The following IGF1R variants were observed in gnomAD, a reference collection of about 807,000 sequenced individuals.
The protein encoded by IGF1R is insulin like growth factor 1 receptor.
Under a neutral mutation model 144.6 loss-of-function variants are expected in IGF1R, and 44 were observed. That is an observed-to-expected ratio of 0.30 (90% CI 0.24 to 0.39). IGF1R has a LOEUF of 0.39. IGF1R is among the 10% of genes least tolerant of loss of function. The pLI, the probability that IGF1R is intolerant of heterozygous loss-of-function variation, is 1.00. For synonymous variants in IGF1R, 795 were observed against 722.8 expected, an observed-to-expected ratio of 1.10 and a Z score of -1.60; for missense variants, 1,355 against 1,833.7, an observed-to-expected ratio of 0.74 and a Z score of 4.77.
chr15:98,964,245 A>G lies in IGF1R; in HGVS notation c.*6803A>G, dbSNP rs1244006145. The G allele has an allele frequency of 2.1e-5, 5 of 232,728 alleles. No individual in the cohort carries two copies. Among genetic ancestry groups the G allele is most frequent in the East Asian group, 1.8e-4 (3 of 16,322 alleles). The allele number at this position is 232,728 out of a possible 1,614,324, so 14.4% of individuals were successfully genotyped here. A position where few individuals can be genotyped will look rare whatever the true frequency, so the allele number is the denominator to read the frequency against. ...AAGTAAGAAAAAAAAAGGTAATAAC[A>G]TGGCCAATTTGTTACATAAAATGAC... On this transcript the variant is annotated 3_prime_UTR_variant, in exon 21 of 21. Coordinates refer to ENST00000650285, the MANE Select transcript of IGF1R (RefSeq NM_000875.5).
chr15:98,895,343 G>A (rs2014139767), intron 3 of IGF1R, among the ~76,000 whole-genome samples: 1 of 152,086 alleles, frequency 6.6e-6, no homozygotes, highest in Admixed American at 6.5e-5. Context: ...TGAAGGCTAT[G>A]TGGGATCTCT....
chr15:98,871,555 G>T (rs989754586), intron 2 of IGF1R, among the ~76,000 whole-genome samples: 4 of 152,182 alleles, frequency 2.6e-5, no homozygotes, highest in Non-Finnish European at 4.4e-5. Context: ...ACATACTCAA[G>T]ACTGGGCAAT....
At chr15:98,915,054 G>T (rs144245366) in intron 8 of IGF1R, among the ~76,000 whole-genome samples, 1 of 152,280 alleles carries the variant, frequency 6.6e-6, no homozygotes, top group African/African-American at 2.4e-5. Flanking sequence ...TTTAAAAATG[G>T]CTTAGGCAAA....
intron 5 of IGF1R, among the ~76,000 whole-genome samples, chr15:98,904,471 A>G (rs747331120): frequency 5.3e-5 from 8 of 152,238 alleles, no homozygotes; most frequent in Admixed American, 2.0e-4. Context: ...CCACCTAGAT[A>G]GACATATCCA....
At chr15:98,656,018 T>A (rs2052476945) in intron 1 of IGF1R, among the ~76,000 whole-genome samples, 1 of 152,226 alleles carries the variant, frequency 6.6e-6, no homozygotes, top group Non-Finnish European at 1.5e-5. Flanking sequence ...ACTCATAGAT[T>A]GCTCTTCTGT....
chr15:98,754,609 C>A (rs1016118047), intron 2 of IGF1R, among the ~76,000 whole-genome samples: 2 of 152,186 alleles, frequency 1.3e-5, no homozygotes, highest in Non-Finnish European at 1.5e-5. Context: ...GCAGCACAGC[C>A]ATGGTTAGGC....
intron 2 of IGF1R, among the ~76,000 whole-genome samples, chr15:98,788,062 C>G (rs907804): frequency 0.91 from 118,960 of 130,826 alleles, 53,859 homozygotes; most frequent in Middle Eastern, 0.95. Flanking sequence ...CTCTCTCTCT[C>G]TGTGTGTGTG....
chr15:98,661,878 G>T lies in IGF1R; in HGVS notation c.94+12203G>T, dbSNP rs568697874. ...TTTTTTCTCCTCCTCATGGTGGGTG[G>T]CCCTGGTGGGCTCTCTCTGGGGCCT... On this transcript the variant is annotated intron_variant, in intron 1 of 20. Coordinates refer to ENST00000650285, the MANE Select transcript of IGF1R (RefSeq NM_000875.5). Among the ~76,000 whole-genome samples the T allele has an allele frequency of 1.1e-4, 16 of 151,798 alleles. No homozygotes were observed. In the South Asian group the frequency reaches 3.3e-3, roughly 32 times the overall value.
rs17847210 is a variant in IGF1R at position 98,708,037 on chromosome 15, G to A, written c.570G>A (p.Pro190=). The A allele has an allele frequency of 2.7e-5, 43 of 1,614,078 alleles. No individual in the cohort carries two copies. In the African/African-American group the frequency reaches 4.0e-4, roughly 15 times the overall value. Residue 190 remains proline (P), a synonymous_variant, in exon 2 of 21, where the codon CCG becomes CCA. Transcript: ENST00000650285. ...DLCPGTMEEK[P]MCEKTTINNE... is the part of the protein sequence containing the mutation. ...GTCCAGGGACCATGGAGGAGAAGCC[G>A]ATGTGTGAGAAGACCACCATCAACA...
chr15:98,675,001 T>TTTTTTTTTTA (rs2052998488), intron 1 of IGF1R, among the ~76,000 whole-genome samples: 1 of 138,308 alleles, frequency 7.2e-6, no homozygotes, highest in Admixed American at 7.1e-5. Flanking sequence ...TTTTTTTTTT[T>TTTTTTTTTTA]GAGACAAAGT....
rs111975042 is a variant in IGF1R, at chr15:98,718,266, C to T, written c.640+10159C>T. Among the ~76,000 whole-genome samples, 947 of 152,322 alleles carry T rather than the reference C, an allele frequency of 6.2e-3. 8 individuals carry two copies. Among genetic ancestry groups the T allele is most frequent in the African/African-American group, 0.021 (873 of 41,564 alleles). ...GCGCCCAGTCCTCTCTTCTTTCTTC[C>T]TGCCATTTTTCCCAGAATCCATGTG... On this transcript the variant is annotated intron_variant, in intron 2 of 20. Coordinates refer to ENST00000650285, the MANE Select transcript of IGF1R (RefSeq NM_000875.5).
chr15:98,691,623 A>G (rs2053479042), intron 1 of IGF1R, among the ~76,000 whole-genome samples: 1 of 152,018 alleles, frequency 6.6e-6, no homozygotes. Context: ...TCGGCCTCCC[A>G]AAGTGCTAAG....
chr15:98,676,058 G>A (rs980396688), intron 1 of IGF1R, among the ~76,000 whole-genome samples: 3 of 151,604 alleles, frequency 2.0e-5, no homozygotes, highest in Non-Finnish European at 4.4e-5. Flanking sequence ...TTGAACTCCC[G>A]GCCTCAGGTG....
In IGF1R at chr15:98,654,141, C is replaced by A. The variant is rs966723970; in HGVS notation, c.94+4466C>A. Among the ~76,000 whole-genome samples the A allele has an allele frequency of 2.6e-5, 4 of 152,174 alleles. No homozygotes were observed. The East Asian group carries it at 5.8e-4, about 22-fold the overall frequency. ...AAAATATTTCTGTAGACTTAGGACT[C>A]TAGTGTTGTTCATCAGAAGCCTTTA... On this transcript the variant is annotated intron_variant, in intron 1 of 20. Transcript: ENST00000650285.
intron 2 of IGF1R, among the ~76,000 whole-genome samples, chr15:98,838,913 C>G (rs2011130308): frequency 6.6e-6 from 1 of 152,232 alleles, no homozygotes; most frequent in South Asian, 2.1e-4. Context: ...GGGGATCCTG[C>G]TTTTGCTGGG....
At chr15:98,679,547 C>T (rs750722677) in intron 1 of IGF1R, among the ~76,000 whole-genome samples, 17 of 152,158 alleles carry the variant, frequency 1.1e-4, no homozygotes, top group Non-Finnish European at 2.5e-4. Context: ...GCACTGCTCA[C>T]GTGTTTGTGT....
chr15:98,847,102 A>T (rs2011358361), intron 2 of IGF1R, among the ~76,000 whole-genome samples: 2 of 151,996 alleles, frequency 1.3e-5, no homozygotes, highest in South Asian at 4.2e-4. Flanking sequence ...TCAGTTTCCC[A>T]AGTAGCTGGG....
At chr15:98,793,267 T>C (rs932628491) in intron 2 of IGF1R, among the ~76,000 whole-genome samples, 3 of 152,210 alleles carry the variant, frequency 2.0e-5, no homozygotes, top group African/African-American at 7.2e-5. Flanking sequence ...GTCTCCCCTT[T>C]AGAAAAGGAA....
chr15:98,671,067 G>A (rs2052877782), intron 1 of IGF1R, among the ~76,000 whole-genome samples: 1 of 152,150 alleles, frequency 6.6e-6, no homozygotes, highest in African/African-American at 2.4e-5. Flanking sequence ...CATTTGTTTG[G>A]TGTCTCACGT....
Sources: allele counts gnomAD v4.1 joint callset (sites outside exome capture counted in the v4.1 genomes callset), GRCh38; gene constraint gnomAD v4.1.1; transcripts MANE v1.5; gene names NCBI Gene and HGNC (gene_info 2026-07-23, HGNC 2026-07-21).